The following MAN2A2 variants were observed in gnomAD, a reference collection of about 807,000 sequenced individuals.
MAN2A2 encodes alpha-mannosidase 2x.
In MAN2A2, 79 loss-of-function variants were observed where a neutral mutation model predicts 126.8. The ratio of observed to expected loss-of-function variants is 0.62; its 90% CI spans 0.52 to 0.75. The LOEUF (loss-of-function observed/expected upper bound fraction) is 0.75, where lower values mean the gene tolerates loss of function less well. Ranked by LOEUF, MAN2A2 falls within the 30% of genes least tolerant of loss-of-function variation. MAN2A2 has a pLI of 0.00. For missense variants in MAN2A2, 1,392 were observed against 1,522.4 expected, an observed-to-expected ratio of 0.91 and a Z score of 1.43; for synonymous variants, 671 against 618.7, an observed-to-expected ratio of 1.08 and a Z score of -1.25.
rs533483642 is a variant in MAN2A2 at position 90,903,842 on chromosome 15, C to A, written c.-18-348C>A. The A allele has an allele frequency of 1.6e-5, 6 of 365,482 alleles. No homozygotes were observed. The East Asian group carries it at 3.5e-4, about 21-fold the overall frequency. 22.6% of individuals were successfully genotyped at this position (365,482 alleles called of 1,614,324 possible). On this transcript the variant is annotated intron_variant, in intron 1 of 22. Coordinates refer to ENST00000559717, the MANE Select transcript of MAN2A2 (RefSeq NM_006122.4). ...AACAAAATAGAGACTAGCTTATTCA[C>A]CTGAAACTAGAAGCACATGGCCGAG...
At chr15:90,913,522 G>A (rs1276319431) in intron 18 of MAN2A2, 92 bp from the exon 19 acceptor site, 1 of 1,564,224 alleles carries the variant, frequency 6.4e-7, no homozygotes, top group African/African-American at 1.4e-5. Flanking sequence ...TGAATGAGAG[G>A]CGAAGAGTTA....
At chr15:90,918,076 A>C (rs1411567654) in intron 20 of MAN2A2, 118 bp from the exon 21 acceptor site, 2 of 952,308 alleles carry the variant, frequency 2.1e-6, no homozygotes, top group East Asian at 4.9e-5. Context: ...CCTTGAGTCC[A>C]GGCACACCAG....
intron 1 of MAN2A2, chr15:90,903,805 AC>A (rs2034027884): frequency 3.1e-6 from 1 of 323,124 alleles, no homozygotes; most frequent in Admixed American, 4.5e-5. Flanking sequence ...TTCTGGCTAA[AC>A]TTTTAAATCA....
intron 7 of MAN2A2, 144 bp from the exon 8 acceptor site, chr15:90,907,165 C>T (rs1182013410): frequency 3.3e-6 from 3 of 905,220 alleles, no homozygotes; most frequent in East Asian, 5.1e-5. Context: ...ATGTCTTTCT[C>T]CCTGGCCTAC....
At chr15:90,909,990 T>C in intron 9 of MAN2A2, 100 bp from the exon 10 acceptor site, 2 of 1,026,900 alleles carry the variant, frequency 1.9e-6, no homozygotes, top group South Asian at 3.2e-5. Flanking sequence ...TTCCTGCTTC[T>C]GAGGCCAGAG....
At chr15:90,919,045 C>T (rs1423145057) in intron 22 of MAN2A2, among the ~76,000 whole-genome samples, 1 of 152,206 alleles carries the variant, frequency 6.6e-6, no homozygotes, top group Non-Finnish European at 1.5e-5. Context: ...ACTTTGTAAG[C>T]TCATATCAGC....
intron 2 of MAN2A2, 47 bp downstream of exon 2, chr15:90,904,386 GC>G: frequency 6.3e-7 from 1 of 1,593,188 alleles, no homozygotes; most frequent in Non-Finnish European, 8.6e-7. Context: ...AGTCACCTGG[GC>G]TCAGGGTATG....
intron 17 of MAN2A2, 123 bp from the exon 18 acceptor site, chr15:90,913,150 T>C: frequency 7.6e-7 from 1 of 1,308,798 alleles, no homozygotes; most frequent in South Asian, 1.4e-5. Flanking sequence ...AGAAATGCCC[T>C]GGGGATTTCT....
intron 8 of MAN2A2, among the ~76,000 whole-genome samples, chr15:90,908,790 G>C (rs763498305): frequency 5.9e-5 from 9 of 152,076 alleles, no homozygotes; most frequent in Non-Finnish European, 1.2e-4. Context: ...TGGCCAGGCT[G>C]GTCTTGAATT....
chr15:90,916,891 AG>A (rs2035231063), intron 20 of MAN2A2, among the ~76,000 whole-genome samples: 1 of 152,228 alleles, frequency 6.6e-6, no homozygotes, highest in African/African-American at 2.4e-5. Flanking sequence ...CAAGGTAGAA[AG>A]GGCTTTGTCT....
intron 2 of MAN2A2, 37 bp downstream of exon 2, chr15:90,904,376 A>C (rs766948945): frequency 6.2e-7 from 1 of 1,602,216 alleles, no homozygotes; most frequent in South Asian, 1.1e-5. Flanking sequence ...TTTGTATACA[A>C]GTCACCTGGG....
intron 8 of MAN2A2, among the ~76,000 whole-genome samples, chr15:90,908,433 T>A (rs2034464510): frequency 6.6e-6 from 1 of 152,260 alleles, no homozygotes; most frequent in Admixed American, 6.5e-5. Context: ...CTTCTGCTGA[T>A]GTGCCACAGG....
At chr15:90,919,282 G>A (rs943670507) in intron 22 of MAN2A2, among the ~76,000 whole-genome samples, 8 of 152,192 alleles carry the variant, frequency 5.3e-5, no homozygotes, top group Admixed American at 1.3e-4. Flanking sequence ...GGGGCCAGCC[G>A]GAACTGGAGT....
At chr15:90,906,709 A>C (rs776465955) in intron 6 of MAN2A2, 31 bp from the exon 7 acceptor site, 2 of 1,606,500 alleles carry the variant, frequency 1.2e-6, no homozygotes, top group Non-Finnish European at 1.7e-6. Flanking sequence ...AGGTGTGTTC[A>C]GGGCCTCTCT....
intron 17 of MAN2A2, 90 bp from the exon 18 acceptor site, chr15:90,913,183 C>T (rs2034898079): frequency 2.0e-6 from 3 of 1,502,388 alleles, no homozygotes; most frequent in East Asian, 4.5e-5. Flanking sequence ...CAGAGCCTCT[C>T]CCCAGCTCGG....
In MAN2A2 at chr15:90,910,962, G is replaced by A; in HGVS notation, c.1875+1G>A. On this transcript the variant is annotated splice_donor_variant, in intron 12 of 22. Coordinates refer to ENST00000559717, the MANE Select transcript of MAN2A2 (RefSeq NM_006122.4). LOFTEE classifies it high-confidence loss of function. ...CCCTGAGGCGCCCTTCCTCCAAGTG[G>A]TGAGCCCCTCCTGGGTCTGCATGGG... 6.2e-7 allele frequency: 1 copy of A among 1,612,604 alleles called. No individual in the cohort carries two copies. Among genetic ancestry groups the A allele is most frequent in the Non-Finnish European group, 8.5e-7 (1 of 1,178,756 alleles).
At position 90,920,122 on chromosome 15, in the gene MAN2A2, TG is replaced by T. The variant is rs2035478126; in HGVS notation, c.*337del. 1.8e-5 allele frequency: 5 copies of T among 272,742 alleles called. No individual in the cohort carries two copies. In the South Asian group the frequency reaches 2.1e-4, roughly 12 times the overall value. The allele number at this position is 272,742 out of a possible 1,614,324, so 16.9% of individuals were successfully genotyped here. ...CTTTTTCCAAACAGGGATATAGAAG[TG>T]GTGGAAGCAGACAGAAGAGGTAAGG... On this transcript the variant is annotated 3_prime_UTR_variant, in exon 23 of 23. Transcript: ENST00000559717.
At chr15:90,911,626 C>T in intron 14 of MAN2A2, 76 bp downstream of exon 14, 1 of 1,459,248 alleles carries the variant, frequency 6.9e-7, no homozygotes, top group East Asian at 2.4e-5. Context: ...ACGCCAGCCT[C>T]CCACCCTCCT....
At chr15:90,919,470 C>G (rs1231206420) in intron 22 of MAN2A2, among the ~76,000 whole-genome samples, 165 bp from the exon 23 acceptor site, 1 of 152,210 alleles carries the variant, frequency 6.6e-6, no homozygotes, top group Non-Finnish European at 1.5e-5. Context: ...AACTCCTGAC[C>G]TCAGGTGATC....
Sources: gnomAD v4.1 joint callset for allele counts (sites outside exome capture counted in the v4.1 genomes callset) on GRCh38, gnomAD v4.1.1 for gene constraint, MANE v1.5 for transcripts, NCBI Gene and HGNC (gene_info 2026-07-23, HGNC 2026-07-21) for gene names.